Variants in RBMS3 observed in about 807,000 individuals in gnomAD.
RBMS3 encodes RNA binding motif single stranded interacting protein 3.
A neutral mutation model predicts 66.8 loss-of-function variants in RBMS3; 27 were observed. The ratio of observed to expected loss-of-function variants is 0.40; its 90% CI spans 0.30 to 0.56. RBMS3 has a LOEUF of 0.56. Ranked by LOEUF, RBMS3 falls within the 20% of genes least tolerant of loss-of-function variation. The pLI is 0.40. For synonymous variants in RBMS3, 188 were observed against 183.0 expected (o/e 1.03, Z -0.22); for missense variants, 513 against 549.5 (o/e 0.93, Z 0.66).
At chr3:29,402,634 A>G (rs945881042) in intron 1 of RBMS3, among the ~76,000 whole-genome samples, 2 of 152,120 alleles carry the variant, frequency 1.3e-5, no homozygotes, top group Non-Finnish European at 1.5e-5. Flanking sequence ...ATTCTTGATT[A>G]GAAGTATAAC....
intron 4 of RBMS3, among the ~76,000 whole-genome samples, chr3:29,673,812 T>A (rs1430921975): frequency 2.0e-5 from 3 of 152,166 alleles, no homozygotes; most frequent in Non-Finnish European, 4.4e-5. Flanking sequence ...ACAGCCGAAT[T>A]CTACTAGAGG....
chr3:29,952,424 C>G (rs1695743972), intron 12 of RBMS3, among the ~76,000 whole-genome samples: 1 of 151,842 alleles, frequency 6.6e-6, no homozygotes, highest in Non-Finnish European at 1.5e-5. Flanking sequence ...GCAGTTGGAA[C>G]AACCTAAAAT....
intron 4 of RBMS3, among the ~76,000 whole-genome samples, chr3:29,634,221 C>A (rs897747517): frequency 6.6e-6 from 1 of 151,988 alleles, no homozygotes; most frequent in South Asian, 2.1e-4. Context: ...TTGTGAAGTA[C>A]AGCATGTTGT....
chr3:29,785,204 A>G (rs1317674783), intron 6 of RBMS3, among the ~76,000 whole-genome samples: 1 of 151,954 alleles, frequency 6.6e-6, no homozygotes, highest in African/African-American at 2.4e-5. Context: ...CCAGGGAAGA[A>G]CATAGCAAAA....
intron 1 of RBMS3, among the ~76,000 whole-genome samples, chr3:29,292,057 GCT>G (rs1221156276): frequency 1.3e-5 from 2 of 151,578 alleles, no homozygotes; most frequent in Non-Finnish European, 3.0e-5. Flanking sequence ...ATCCCCCAAT[GCT>G]GGAGGGCGAA....
intron 1 of RBMS3, among the ~76,000 whole-genome samples, chr3:29,302,337 T>A (rs17029802): frequency 0.018 from 2,778 of 152,104 alleles, 86 homozygotes; most frequent in African/African-American, 0.063. Flanking sequence ...CTGGTGGTAC[T>A]TTCTGATTAT....
At chr3:29,474,914 C>T (rs116597094) in intron 2 of RBMS3, among the ~76,000 whole-genome samples, 182 of 152,190 alleles carry the variant, frequency 1.2e-3, no homozygotes, top group African/African-American at 4.3e-3. Context: ...AGGGTTCACA[C>T]TGGGGAGTGA....
intron 3 of RBMS3, among the ~76,000 whole-genome samples, chr3:29,566,138 G>A (rs1488032828): frequency 6.6e-6 from 1 of 152,128 alleles, no homozygotes; most frequent in Admixed American, 6.6e-5. Flanking sequence ...AGATGATATA[G>A]TTACAAACAA....
intron 1 of RBMS3, among the ~76,000 whole-genome samples, chr3:29,294,782 G>C (rs896839161): frequency 2.6e-5 from 4 of 151,692 alleles, no homozygotes; most frequent in African/African-American, 9.7e-5. Flanking sequence ...TGTCAATTTT[G>C]TTTATTCAAA....
At chr3:29,799,339 C>G (rs1461037651) in intron 6 of RBMS3, among the ~76,000 whole-genome samples, 5 of 152,162 alleles carry the variant, frequency 3.3e-5, no homozygotes, top group Non-Finnish European at 7.4e-5. Context: ...TCCCACATTT[C>G]AAAACTTGTC....
At chr3:29,852,823 G>T (rs906207118) in intron 6 of RBMS3, among the ~76,000 whole-genome samples, 1 of 152,138 alleles carries the variant, frequency 6.6e-6, no homozygotes, top group Non-Finnish European at 1.5e-5. Context: ...ATACCCAAAG[G>T]AGTATAAATT....
At chr3:29,562,682 A>C (rs2046598531) in intron 3 of RBMS3, among the ~76,000 whole-genome samples, 2 of 152,150 alleles carry the variant, frequency 1.3e-5, no homozygotes, top group African/African-American at 4.8e-5. Context: ...TGAGTTGTTA[A>C]TTGCCTTCAG....
At chr3:29,433,805 G>A (rs1208849320) in intron 1 of RBMS3, among the ~76,000 whole-genome samples, 2 of 152,122 alleles carry the variant, frequency 1.3e-5, no homozygotes, top group South Asian at 2.1e-4. Flanking sequence ...ATTGTTTATT[G>A]CAATTTTCTG....
At chr3:29,586,112 A>G (rs183422670) in intron 3 of RBMS3, among the ~76,000 whole-genome samples, 2 of 152,204 alleles carry the variant, frequency 1.3e-5, no homozygotes, top group African/African-American at 4.8e-5. Flanking sequence ...ATAAGAATAC[A>G]GATGATTCCC....
chr3:29,466,844 A>G (rs1302344400), intron 2 of RBMS3, among the ~76,000 whole-genome samples: 1 of 152,108 alleles, frequency 6.6e-6, no homozygotes, highest in Non-Finnish European at 1.5e-5. Context: ...TTAACTCTCT[A>G]TGCAGTTTGA....
intron 14 of RBMS3, among the ~76,000 whole-genome samples, chr3:29,994,926 T>C (rs1699118220): frequency 6.6e-6 from 1 of 152,212 alleles, no homozygotes; most frequent in Non-Finnish European, 1.5e-5. Flanking sequence ...GGATGGAGAA[T>C]GACTTTGACG....
At chr3:29,992,768 A>G (rs148226758) in intron 14 of RBMS3, among the ~76,000 whole-genome samples, 12 of 152,284 alleles carry the variant, frequency 7.9e-5, no homozygotes, top group African/African-American at 2.9e-4. Context: ...TTTTTGCTGA[A>G]GGCAGATCAA....
chr3:29,465,262 T>C (rs1485598946), intron 2 of RBMS3, among the ~76,000 whole-genome samples: 1 of 152,172 alleles, frequency 6.6e-6, no homozygotes, highest in Non-Finnish European at 1.5e-5. Context: ...ACATAAATGT[T>C]AGTGAATGGA....
intron 4 of RBMS3, among the ~76,000 whole-genome samples, chr3:29,621,636 C>T (rs1001311138): frequency 6.6e-6 from 1 of 152,120 alleles, no homozygotes; most frequent in African/African-American, 2.4e-5. Flanking sequence ...CTCCTGACAG[C>T]ATAATACCAA....
Sources: gnomAD v4.1 joint callset for allele counts (sites outside exome capture counted in the v4.1 genomes callset) on GRCh38, gnomAD v4.1.1 for gene constraint, MANE v1.5 for transcripts, NCBI Gene and HGNC (gene_info 2026-07-23, HGNC 2026-07-21) for gene names.